Variants in CSMD3 observed in about 807,000 individuals in gnomAD.
CSMD3 encodes CUB and sushi domain-containing protein 3.
A neutral mutation model predicts 435.2 loss-of-function variants in CSMD3; 177 were observed. The observed-to-expected ratio is 0.41, with a 90% CI of 0.36 to 0.46. The LOEUF is 0.46. Ranked by LOEUF, CSMD3 falls within the 20% of genes least tolerant of loss-of-function variation. The pLI, the probability that CSMD3 is intolerant of heterozygous loss-of-function variation, is 0.34. For synonymous variants in CSMD3, 1,656 were observed against 1,520.5 expected, an observed-to-expected ratio of 1.09 and a Z score of -2.07; for missense variants, 4,265 against 4,504.6, an observed-to-expected ratio of 0.95 and a Z score of 1.52.
At position 112,537,510 on chromosome 8, in the gene CSMD3, A is replaced by G. The variant is rs1300102647; in HGVS notation, c.4564+13161T>C. ...TCTTAGCTAGATTAAGAGAAAAGAG[A>G]GAAGCCTCAGGTAAAAATCACAGCC... On this transcript the variant is annotated intron_variant, in intron 27 of 70. Transcript: ENST00000297405. 3.3e-5 allele frequency among the ~76,000 whole-genome samples: 5 copies of G among 152,132 alleles called. 1 individual carries two copies. The South Asian group carries it at 6.2e-4, about 19-fold the overall frequency.
At chr8:112,670,735 A>G (rs916913898) in intron 16 of CSMD3, among the ~76,000 whole-genome samples, 1 of 152,128 alleles carries the variant, frequency 6.6e-6, no homozygotes, top group African/African-American at 2.4e-5. Flanking sequence ...GAGGAGTTTC[A>G]TGTGGAAAGT....
intron 1 of CSMD3, among the ~76,000 whole-genome samples, chr8:113,341,604 A>G (rs1472115940): frequency 6.6e-6 from 1 of 152,162 alleles, no homozygotes; most frequent in African/African-American, 2.4e-5. Context: ...ATGCTATAAT[A>G]GGAGTATCTG....
chr8:113,152,688 T>A (rs1174686397), intron 4 of CSMD3, among the ~76,000 whole-genome samples: 2 of 152,012 alleles, frequency 1.3e-5, no homozygotes, highest in East Asian at 1.9e-4. Context: ...GTTAAAAAAA[T>A]TTGACTTTTG....
rs561915637 is a variant in CSMD3 at position 112,377,896 on chromosome 8, C to A, written c.6136+2456G>T. Among the ~76,000 whole-genome samples the A allele has an allele frequency of 1.3e-4, 20 of 151,988 alleles. No individual in the cohort carries two copies. The South Asian group carries it at 3.9e-3, about 30-fold the overall frequency. ...AAAAGCCCATAACTAACATCATACT[C>A]AATGGTAAAAAACAAAAAGCTTTTT... On this transcript the variant is annotated intron_variant, in intron 38 of 70. Transcript: ENST00000297405.
intron 24 of CSMD3, among the ~76,000 whole-genome samples, chr8:112,564,082 T>G (rs140552026): frequency 6.6e-6 from 1 of 152,158 alleles, no homozygotes; most frequent in East Asian, 1.9e-4. Context: ...CATTTTTTTA[T>G]TCTGCTGAAC....
intron 4 of CSMD3, among the ~76,000 whole-genome samples, chr8:113,151,342 G>A (rs1340967978): frequency 6.6e-6 from 1 of 151,700 alleles, no homozygotes; most frequent in East Asian, 1.9e-4. Context: ...TGTGCTAAAG[G>A]TTCATTTGGG....
intron 38 of CSMD3, among the ~76,000 whole-genome samples, chr8:112,372,816 T>A: frequency 6.6e-6 from 1 of 150,578 alleles, no homozygotes; most frequent in East Asian, 1.9e-4. Context: ...GCCATTGCAC[T>A]CCAGCCTGGG....
At chr8:113,321,282 A>G (rs529523296) in intron 1 of CSMD3, among the ~76,000 whole-genome samples, 83 of 152,212 alleles carry the variant, frequency 5.5e-4, no homozygotes, top group African/African-American at 1.8e-3. Flanking sequence ...TAGCTAACTG[A>G]TTTTTGTTTT....
chr8:112,767,046 G>A (rs2077997398), intron 13 of CSMD3, among the ~76,000 whole-genome samples: 1 of 151,830 alleles, frequency 6.6e-6, no homozygotes, highest in Non-Finnish European at 1.5e-5. Context: ...ATAAATGGTA[G>A]AGTAATCACT....
intron 13 of CSMD3, among the ~76,000 whole-genome samples, chr8:112,730,326 C>T (rs2077048951): frequency 6.6e-6 from 1 of 151,888 alleles, no homozygotes; most frequent in South Asian, 2.1e-4. Flanking sequence ...ACTGAGAAGT[C>T]GCTAGTGGAA....
intron 10 of CSMD3, among the ~76,000 whole-genome samples, chr8:112,921,075 A>G (rs1470774498): frequency 3.3e-5 from 5 of 151,446 alleles, no homozygotes; most frequent in Admixed American, 1.3e-4. Flanking sequence ...ATATATATAC[A>G]TATGTATATC....
intron 1 of CSMD3, among the ~76,000 whole-genome samples, chr8:113,419,767 TA>T (rs1210945115): frequency 6.6e-6 from 1 of 152,146 alleles, no homozygotes; most frequent in Non-Finnish European, 1.5e-5. Flanking sequence ...ATATTAGAAT[TA>T]TTTTTTTGCC....
chr8:113,095,398 A>C (rs1342917094), intron 5 of CSMD3, among the ~76,000 whole-genome samples: 3 of 152,180 alleles, frequency 2.0e-5, no homozygotes, highest in Non-Finnish European at 2.9e-5. Flanking sequence ...TGCCTATAAT[A>C]TCTCTTCTCC....
intron 5 of CSMD3, among the ~76,000 whole-genome samples, chr8:113,049,224 G>A (rs2087976412): frequency 6.6e-6 from 1 of 152,134 alleles, no homozygotes; most frequent in African/African-American, 2.4e-5. Context: ...AGGTGACAGA[G>A]CGAAAATCTG....
intron 12 of CSMD3, among the ~76,000 whole-genome samples, chr8:112,829,333 C>G (rs1279307704): frequency 6.6e-5 from 10 of 152,102 alleles, no homozygotes. Context: ...CAAAAAGACC[C>G]TATTTTGAGA....
chr8:112,457,080 C>A (rs572087525), intron 32 of CSMD3, among the ~76,000 whole-genome samples: 2 of 152,176 alleles, frequency 1.3e-5, no homozygotes, highest in African/African-American at 4.8e-5. Context: ...ACCCACAGAA[C>A]CTTGGACTTT....
chr8:112,718,132 T>C (rs1310608614), intron 13 of CSMD3, among the ~76,000 whole-genome samples: 1 of 152,092 alleles, frequency 6.6e-6, no homozygotes, highest in African/African-American at 2.4e-5. Flanking sequence ...AGTACCACCA[T>C]ATTATTTCTT....
At chr8:112,671,021 G>C (rs1006741144) in intron 16 of CSMD3, among the ~76,000 whole-genome samples, 5 of 152,146 alleles carry the variant, frequency 3.3e-5, no homozygotes, top group Non-Finnish European at 7.4e-5. Context: ...AAAGGGCTGA[G>C]ATGAATTATT....
chr8:112,538,054 C>A (rs1826306237), intron 27 of CSMD3, among the ~76,000 whole-genome samples: 1 of 151,894 alleles, frequency 6.6e-6, no homozygotes, highest in Non-Finnish European at 1.5e-5. Flanking sequence ...AATCAGTGAA[C>A]AGGATACATC....
Sources: gnomAD v4.1 joint callset for allele counts (sites outside exome capture counted in the v4.1 genomes callset) on GRCh38, gnomAD v4.1.1 for gene constraint, MANE v1.5 for transcripts, NCBI Gene and HGNC (gene_info 2026-07-23, HGNC 2026-07-21) for gene names.